Variants in POU6F2 observed in about 807,000 individuals in gnomAD.
POU6F2 encodes POU class 6 homeobox 2.
Under a neutral mutation model 71.3 loss-of-function variants are expected in POU6F2, and 31 were observed. The ratio of observed to expected loss-of-function variants is 0.43; its 90% CI spans 0.33 to 0.59. The LOEUF is 0.59. Among genes scored for constraint, POU6F2 ranks in the 20% least tolerant of loss-of-function variants. The pLI is 0.04. For synonymous variants in POU6F2, 347 were observed against 355.7 expected, an observed-to-expected ratio of 0.98 and a Z score of 0.27; for missense variants, 783 against 856.8, an observed-to-expected ratio of 0.91 and a Z score of 1.07.
In POU6F2 at chr7:39,447,805, G is replaced by A. The variant is rs147307344; in HGVS notation, c.1321-3728G>A. On this transcript the variant is annotated intron_variant, in intron 7 of 9. Transcript: ENST00000518318. Reference sequence around the variant, plus strand: ...GTAAATTATTCCAATTTTTGTGTCCGGTTATGTTTTAATACTTAAATGTCT... The same window carrying A: ...GTAAATTATTCCAATTTTTGTGTCCAGTTATGTTTTAATACTTAAATGTCT... Among the ~76,000 whole-genome samples, 21 of 152,064 alleles carry A rather than the reference G, an allele frequency of 1.4e-4. No individual in the cohort carries two copies. The East Asian group carries it at 2.5e-3, about 18-fold the overall frequency.
chr7:39,187,968 CTG>C (rs1464678153), intron 2 of POU6F2, among the ~76,000 whole-genome samples: 1 of 152,254 alleles, frequency 6.6e-6, no homozygotes, highest in Non-Finnish European at 1.5e-5. Context: ...AAGGCATCCT[CTG>C]TGGCCACAGT....
intron 3 of POU6F2, among the ~76,000 whole-genome samples, chr7:39,204,847 T>TAAA (rs1202967602): frequency 6.6e-6 from 1 of 152,056 alleles, no homozygotes; most frequent in African/African-American, 2.4e-5. Context: ...ATTTGTTTTT[T>TAAA]GCAGCCTGGT....
intron 2 of POU6F2, among the ~76,000 whole-genome samples, chr7:39,098,393 C>T (rs924097992): frequency 2.0e-5 from 3 of 152,014 alleles, no homozygotes; most frequent in African/African-American, 7.3e-5. Flanking sequence ...CCCACCTCAG[C>T]CTCCTGAGTA....
chr7:39,235,024 G>A (rs566089172), intron 4 of POU6F2, among the ~76,000 whole-genome samples: 9 of 152,238 alleles, frequency 5.9e-5, no homozygotes, highest in East Asian at 1.9e-4. Context: ...CGTTTGTAGC[G>A]CCTTGTAGAT....
At chr7:39,040,280 T>C (rs1345063614) in intron 1 of POU6F2, among the ~76,000 whole-genome samples, 1 of 149,432 alleles carries the variant, frequency 6.7e-6, no homozygotes, top group African/African-American at 2.5e-5. Context: ...TTTCTTTATT[T>C]CTACTGCCAT....
intron 7 of POU6F2, among the ~76,000 whole-genome samples, chr7:39,451,152 A>G (rs990878541): frequency 1.3e-5 from 2 of 152,162 alleles, no homozygotes; most frequent in Non-Finnish European, 2.9e-5. Flanking sequence ...TTAGTTTCCC[A>G]ATCTGAGTTG....
intron 2 of POU6F2, among the ~76,000 whole-genome samples, chr7:39,144,172 CTACTG>C (rs1792565727): frequency 6.6e-6 from 1 of 152,100 alleles, no homozygotes; most frequent in African/African-American, 2.4e-5. Context: ...AAAAAGAAAA[CTACTG>C]TATCTCCTTG....
At chr7:39,378,390 G>C (rs2237407) in intron 5 of POU6F2, among the ~76,000 whole-genome samples, 42,275 of 151,924 alleles carry the variant, frequency 0.28, 6,064 homozygotes, top group Admixed American at 0.31. Flanking sequence ...CTCCAATCCC[G>C]TCTACAGACT....
intron 1 of POU6F2, among the ~76,000 whole-genome samples, chr7:39,010,577 G>T (rs1190348403): frequency 6.9e-6 from 1 of 144,706 alleles, no homozygotes; most frequent in Admixed American, 6.9e-5. Context: ...TTTTGAATGT[G>T]TTTGCTCTTG....
intron 5 of POU6F2, among the ~76,000 whole-genome samples, chr7:39,358,924 T>C (rs1786319510): frequency 6.7e-6 from 1 of 150,070 alleles, no homozygotes; most frequent in South Asian, 2.1e-4. Flanking sequence ...TATTGTCCCA[T>C]GAATTAAACT....
chr7:39,355,593 G>A (rs1221589265), intron 5 of POU6F2, among the ~76,000 whole-genome samples: 5 of 151,984 alleles, frequency 3.3e-5, no homozygotes, highest in African/African-American at 4.8e-5. Flanking sequence ...CCAACATATT[G>A]CATGTGATAT....
intron 2 of POU6F2, among the ~76,000 whole-genome samples, chr7:39,141,466 C>G (rs1444683121): frequency 2.0e-5 from 3 of 152,142 alleles, no homozygotes; most frequent in African/African-American, 7.2e-5. Context: ...AAGAGGCCAG[C>G]CTAAAGCTCT....
chr7:39,135,456 A>G (rs747716910), intron 2 of POU6F2, among the ~76,000 whole-genome samples: 10 of 152,208 alleles, frequency 6.6e-5, no homozygotes, highest in Non-Finnish European at 1.2e-4. Flanking sequence ...ACTATATTCA[A>G]AAGTACCTTA....
chr7:39,103,043 A>C (rs993582476), intron 2 of POU6F2, among the ~76,000 whole-genome samples: 1 of 152,192 alleles, frequency 6.6e-6, no homozygotes, highest in Non-Finnish European at 1.5e-5. Context: ...TAACAAAACA[A>C]AGATAAAGTG....
Position 39,017,756 on chromosome 7 carries a change from C to T in POU6F2, c.105+39698C>T, listed in dbSNP as rs922526221. ...TTTTCTAACCCAATTATTTGCATGA[C>T]TCCTTTATATAAAACATTCCAAAAT... On this transcript the variant is annotated intron_variant, in intron 1 of 9. Transcript: ENST00000518318. Among the ~76,000 whole-genome samples, 5 of 151,822 alleles carry T rather than the reference C, an allele frequency of 3.3e-5. No individual in the cohort carries two copies. The South Asian group carries it at 6.2e-4, about 19-fold the overall frequency.
intron 5 of POU6F2, chr7:39,405,149 T>C (rs1234411649): frequency 2.0e-5 from 3 of 152,342 alleles, no homozygotes; most frequent in Admixed American, 6.5e-5. Flanking sequence ...TGAAATTTAG[T>C]TATAAATGAA....
At chr7:39,150,375 G>A (rs1792731574) in intron 2 of POU6F2, among the ~76,000 whole-genome samples, 1 of 151,618 alleles carries the variant, frequency 6.6e-6, no homozygotes, top group Non-Finnish European at 1.5e-5. Context: ...ACACCCAGAA[G>A]AAGGATTGCC....
At position 39,433,207 on chromosome 7, in the gene POU6F2, C is replaced by T. The variant is rs2116031445; in HGVS notation, c.1244C>T (p.Thr415Ile). 6.2e-7 allele frequency: 1 copy of T among 1,613,906 alleles called. No homozygotes were observed. The highest frequency in any genetic ancestry group is 8.5e-7 in the Non-Finnish European group (1 of 1,179,890). ...LTNAQGQIIATVIGNQILPVI... is the reference protein window; with the variant it reads ...LTNAQGQIIAIVIGNQILPVI... ...AACGCCCAGGGCCAGATCATCGCCA[C>T]AGTCATTGGGAACCAGATCCTGCCC... Residue 415 changes from threonine to isoleucine, a missense_variant, in exon 7 of 10, where the codon ACA (threonine) becomes ATA (isoleucine). This residue lies in a region of POU6F2 where 572 missense variants were observed against 572.9 expected (regional missense o/e 1.00). Transcript: ENST00000518318.
At chr7:39,176,784 C>T (rs1165211828) in intron 2 of POU6F2, among the ~76,000 whole-genome samples, 1 of 152,114 alleles carries the variant, frequency 6.6e-6, no homozygotes, top group Non-Finnish European at 1.5e-5. Flanking sequence ...TTCCAAATAC[C>T]GTGAAAACAT....
Sources: gnomAD v4.1 joint callset for allele counts (sites outside exome capture counted in the v4.1 genomes callset) on GRCh38, gnomAD v4.1.1 for gene constraint, gnomAD v4.1.1 regional missense constraint, MANE v1.5 for transcripts, NCBI Gene and HGNC (gene_info 2026-07-23, HGNC 2026-07-21) for gene names.